The following CASQ2 variants were observed in gnomAD, a reference collection of about 807,000 sequenced individuals.
CASQ2 encodes the protein calsequestrin-2.
Under a neutral mutation model 46.5 loss-of-function variants are expected in CASQ2, and 49 were observed. The ratio of observed to expected loss-of-function variants is 1.05; its 90% CI spans 0.84 to 1.34. CASQ2 has a LOEUF of 1.34. CASQ2 is among the 40% of genes most tolerant of loss of function. CASQ2 has a pLI of 0.00. For missense variants in CASQ2, 486 were observed against 481.3 expected, an observed-to-expected ratio of 1.01 and a Z score of -0.09; for synonymous variants, 174 against 168.5, an observed-to-expected ratio of 1.03 and a Z score of -0.25.
chr1:115,702,096 T>A (rs189812146), intron 10 of CASQ2, among the ~76,000 whole-genome samples: 1 of 152,206 alleles, frequency 6.6e-6, no homozygotes, highest in Admixed American at 6.5e-5. Context: ...CTAATTTTTG[T>A]ATTTTTAGTA....
chr1:115,759,252 A>G (rs75906597), intron 1 of CASQ2, among the ~76,000 whole-genome samples: 7,235 of 152,312 alleles, frequency 0.048, 603 homozygotes, highest in African/African-American at 0.17. Flanking sequence ...AGTGTTCAGC[A>G]GTAGGGTCTA....
rs146725935 is a variant in CASQ2, at chr1:115,761,653, C to T, written c.234+6655G>A. Among the ~76,000 whole-genome samples the T allele has an allele frequency of 4.5e-3, 682 of 151,032 alleles. 7 individuals carry two copies. Among genetic ancestry groups the T allele is most frequent in the African/African-American group, 0.016 (639 of 41,090 alleles). ...TTGATATACAGATAGTTTAGGAGAC[C>T]GAGGCCCGAAGGAAGAAGGAAGCTC... On this transcript the variant is annotated intron_variant, in intron 1 of 10. Transcript: ENST00000261448.
At chr1:115,758,071 A>G (rs1648822097) in intron 1 of CASQ2, among the ~76,000 whole-genome samples, 1 of 152,250 alleles carries the variant, frequency 6.6e-6, no homozygotes, top group Admixed American at 6.5e-5. Flanking sequence ...AACTAAAGAC[A>G]TCTGTCCCTT....
At position 115,768,701 on chromosome 1, in the gene CASQ2, G is replaced by GAT. The variant is rs1328586616; in HGVS notation, c.-161_-160insAT. On this transcript the variant is annotated 5_prime_UTR_variant, in exon 1 of 11. Transcript: ENST00000261448. ...GAAAAGTGACTCTTCACCTCCTTGG[G>GAT]TCCAGCCAGCTCTGGAATCGTGGGC... is the stretch of plus-strand genomic sequence containing the variant. 2.5e-5 allele frequency: 16 copies of GAT among 637,314 alleles called. No homozygotes were observed. Among genetic ancestry groups the GAT allele is most frequent in the Middle Eastern group, 4.1e-4 (1 of 2,428 alleles). 39.5% of individuals were successfully genotyped at this position (637,314 alleles called of 1,614,324 possible). A position where few individuals can be genotyped will look rare whatever the true frequency, so the allele number is the denominator to read the frequency against.
chr1:115,705,673 A>G (rs1001758125), intron 8 of CASQ2, among the ~76,000 whole-genome samples: 5 of 152,188 alleles, frequency 3.3e-5, no homozygotes, highest in Non-Finnish European at 7.3e-5. Flanking sequence ...AGAGTCCCCA[A>G]TAACATTTGC....
At chr1:115,713,514 T>C (rs1319235492) in intron 8 of CASQ2, among the ~76,000 whole-genome samples, 1 of 152,058 alleles carries the variant, frequency 6.6e-6, no homozygotes, top group Non-Finnish European at 1.5e-5. Context: ...CTACCCTGGG[T>C]GAACTCAAGC....
Position 115,768,515 on chromosome 1 carries a change from C to T in CASQ2, c.27G>A (p.Val9=). 6.2e-7 allele frequency: 1 copy of T among 1,612,964 alleles called. No homozygotes were observed. Among genetic ancestry groups the T allele is most frequent in the Non-Finnish European group, 8.5e-7 (1 of 1,179,010 alleles). Residue 9 remains valine, a synonymous_variant, in exon 1 of 11, where the codon GTG becomes GTA. Coordinates refer to ENST00000261448, the MANE Select transcript of CASQ2 (RefSeq NM_001232.4). MKRTHLFI[V]GIYFLSSCRA... ...TGCAAGAGGACAGAAAATAAATCCC[C>T]ACAATAAACAAGTGAGTTCTCTTCA...
intron 1 of CASQ2, among the ~76,000 whole-genome samples, chr1:115,747,299 T>C (rs1648422487): frequency 1.3e-5 from 2 of 152,322 alleles, no homozygotes; most frequent in South Asian, 2.1e-4. Flanking sequence ...GTGGGTCTAT[T>C]TGTGGTTTCT....
chr1:115,739,124 C>CTTTTTTTTTTTTTTT (rs1299140156), intron 3 of CASQ2, among the ~76,000 whole-genome samples: 3 of 99,520 alleles, frequency 3.0e-5, no homozygotes, highest in Non-Finnish European at 4.4e-5. Context: ...TCTTTTCTTT[C>CTTTTTTTTTTTTTTT]TTTTTGAGAT....
chr1:115,731,528 T>C (rs982490194), intron 5 of CASQ2, among the ~76,000 whole-genome samples: 29 of 152,340 alleles, frequency 1.9e-4, no homozygotes, highest in African/African-American at 6.3e-4. Flanking sequence ...TGGGCCTAGA[T>C]GATTGCTTTC....
intron 7 of CASQ2, among the ~76,000 whole-genome samples, chr1:115,721,118 A>T (rs542802204): frequency 1.3e-5 from 2 of 152,308 alleles, no homozygotes; most frequent in African/African-American, 2.4e-5. Flanking sequence ...AGTGACCTAG[A>T]TGCTTGTCTG....
At chr1:115,739,280 T>TTTGG (rs1648087586) in intron 3 of CASQ2, among the ~76,000 whole-genome samples, 1 of 150,270 alleles carries the variant, frequency 6.7e-6, no homozygotes, top group Admixed American at 6.6e-5. Context: ...GCTAAGTTTT[T>TTTGG]TTATTTTTGT....
Position 115,701,127 on chromosome 1 carries a change from A to G in CASQ2, c.*114T>C. 6.6e-7 allele frequency: 1 copy of G among 1,523,376 alleles called. No homozygotes were observed. Among genetic ancestry groups the G allele is most frequent in the African/African-American group, 1.4e-5 (1 of 73,206 alleles). The allele number at this position is 1,523,376 out of a possible 1,614,324, so 94.4% of individuals were successfully genotyped here. On this transcript the variant is annotated 3_prime_UTR_variant, in exon 11 of 11. Coordinates refer to ENST00000261448, the MANE Select transcript of CASQ2 (RefSeq NM_001232.4). Reference sequence around the variant, plus strand: ...AAGGGAGTGGGAAAAGAGATGATGGAAAAGGGAAAGGAGCTGGCTGGGTGT... The same window carrying G: ...AAGGGAGTGGGAAAAGAGATGATGGGAAAGGGAAAGGAGCTGGCTGGGTGT...
intron 7 of CASQ2, among the ~76,000 whole-genome samples, chr1:115,720,466 A>C (rs1647330953): frequency 6.6e-6 from 1 of 152,162 alleles, no homozygotes; most frequent in African/African-American, 2.4e-5. Context: ...ATGAATTTGC[A>C]TGGGTACACA....
intron 6 of CASQ2, 32 bp downstream of exon 6, chr1:115,726,960 G>A: frequency 2.4e-5 from 16 of 654,000 alleles, no homozygotes; most frequent in East Asian, 4.1e-5. Flanking sequence ...CCAGACCCCA[G>A]GCCCCCAGCC....
At chr1:115,760,014 T>C (rs989808901) in intron 1 of CASQ2, among the ~76,000 whole-genome samples, 8 of 152,210 alleles carry the variant, frequency 5.3e-5, no homozygotes, top group Non-Finnish European at 1.0e-4. Context: ...CATTTCCTTC[T>C]AAGGAGGTCC....
At position 115,700,103 on chromosome 1, in the gene CASQ2, A is replaced by G. The variant is rs1654159037; in HGVS notation, c.*1138T>C. The stretch of plus-strand genomic sequence containing the variant: ...ATTGCTCTATTTTCAAAAAATTTGC[A>G]CAGTGTCTTACACATGTGCTAAAAG... On this transcript the variant is annotated 3_prime_UTR_variant, in exon 11 of 11. Coordinates refer to ENST00000261448, the MANE Select transcript of CASQ2 (RefSeq NM_001232.4). The G allele has an allele frequency of 7.0e-6, 1 of 143,708 alleles. No homozygotes were observed. The highest frequency in any genetic ancestry group is 1.6e-5 in the Non-Finnish European group (1 of 64,186). The allele number at this position is 143,708 out of a possible 1,614,324, so 8.9% of individuals were successfully genotyped here.
chr1:115,741,686 A>G (rs1432151066), intron 2 of CASQ2, among the ~76,000 whole-genome samples: 5 of 152,196 alleles, frequency 3.3e-5, no homozygotes, highest in Non-Finnish European at 7.3e-5. Context: ...AGATGCTGCA[A>G]GGACAGGCTC....
At chr1:115,766,537 A>C (rs1052233767) in intron 1 of CASQ2, among the ~76,000 whole-genome samples, 11 of 152,218 alleles carry the variant, frequency 7.2e-5, no homozygotes, top group African/African-American at 2.4e-4. Flanking sequence ...TTTATAGATA[A>C]GAAAATGAAG....
Sources: allele counts gnomAD v4.1 joint callset (sites outside exome capture counted in the v4.1 genomes callset), GRCh38; gene constraint gnomAD v4.1.1; transcripts MANE v1.5; gene names NCBI Gene and HGNC (gene_info 2026-07-23, HGNC 2026-07-21).